Variants in TMCC1 observed in about 807,000 individuals in gnomAD.
TMCC1 encodes the protein transmembrane and coiled-coil domains protein 1.
A neutral mutation model predicts 52.4 loss-of-function variants in TMCC1; 15 were observed. The ratio of observed to expected loss-of-function variants is 0.29; its 90% confidence interval spans 0.19 to 0.44. TMCC1 has a LOEUF of 0.44. TMCC1 is among the 20% of genes least tolerant of loss of function. The pLI, the probability that TMCC1 is intolerant of heterozygous loss-of-function variation, is 1.00. For synonymous variants in TMCC1, 279 were observed against 301.9 expected, an observed-to-expected ratio of 0.92 and a Z score of 0.79; for missense variants, 503 against 806.0, an observed-to-expected ratio of 0.62 and a Z score of 4.55.
chr3:129,733,872 A>G (rs1187093756), intron 4 of TMCC1, among the ~76,000 whole-genome samples: 1 of 151,368 alleles, frequency 6.6e-6, no homozygotes, highest in Non-Finnish European at 1.5e-5. Context: ...CTGTGTAGAT[A>G]GCACCATTTC....
Position 129,671,185 on chromosome 3 carries a change from T to A in TMCC1, c.656A>T (p.Asp219Val), listed in dbSNP as rs1033013322. Residue 219 changes from aspartate (D) to valine (V), a missense_variant, in exon 5 of 7, where the codon GAC becomes GTC. This residue lies in a region of TMCC1 where 217 missense variants were observed against 297.9 expected (regional missense o/e 0.73). Transcript: ENST00000393238. ...ASSTDGSIHT[D>V]SVDGTPDPQR... ...AGGGTCTGGTGTTCCATCCACAGAGTCTGTGTGGATGCTGCCATCGGTACT... is the reference window on the plus strand; with the variant it reads ...AGGGTCTGGTGTTCCATCCACAGAGACTGTGTGGATGCTGCCATCGGTACT... The A allele has an allele frequency of 2.5e-6, 4 of 1,613,882 alleles. No homozygotes were observed. The highest frequency in any genetic ancestry group is 3.4e-6 in the Non-Finnish European group (4 of 1,180,004).
chr3:129,844,680 T>C (rs1350623908), intron 2 of TMCC1, among the ~76,000 whole-genome samples: 1 of 152,182 alleles, frequency 6.6e-6, no homozygotes, highest in African/African-American at 2.4e-5. Context: ...TCTGCATCTT[T>C]TCATCTGAAA....
chr3:129,663,576 T>TA (rs1156674445), intron 5 of TMCC1, among the ~76,000 whole-genome samples: 1 of 151,958 alleles, frequency 6.6e-6, no homozygotes, highest in Admixed American at 6.6e-5. Flanking sequence ...GAAAAGAAGC[T>TA]AAAAAACACT....
chr3:129,870,402 G>A (rs1309338502), intron 2 of TMCC1, among the ~76,000 whole-genome samples: 1 of 151,886 alleles, frequency 6.6e-6, no homozygotes, highest in Non-Finnish European at 1.5e-5. Flanking sequence ...ATTATCTTCA[G>A]TACCAAAATC....
At chr3:129,780,453 T>G (rs2055429101) in intron 4 of TMCC1, among the ~76,000 whole-genome samples, 2 of 152,028 alleles carry the variant, frequency 1.3e-5, no homozygotes, top group Admixed American at 1.3e-4. Context: ...TTCCACTATT[T>G]CCACCCATCC....
intron 4 of TMCC1, among the ~76,000 whole-genome samples, chr3:129,684,614 T>C (rs563680658): frequency 6.6e-6 from 1 of 152,356 alleles, no homozygotes; most frequent in South Asian, 2.1e-4. Flanking sequence ...GTGGATGTCC[T>C]TTCCTGCCTT....
intron 6 of TMCC1, among the ~76,000 whole-genome samples, chr3:129,654,237 A>G (rs935911034): frequency 1.3e-5 from 2 of 152,228 alleles, no homozygotes; most frequent in East Asian, 3.8e-4. Context: ...GACGCCAACT[A>G]TAGACAGACA....
chr3:129,716,057 A>G (rs945729942), intron 4 of TMCC1, among the ~76,000 whole-genome samples: 3 of 152,050 alleles, frequency 2.0e-5, no homozygotes, highest in Admixed American at 1.3e-4. Context: ...GAACTCTCCC[A>G]CCAGGAGACT....
chr3:129,742,084 C>T (rs970523093), intron 4 of TMCC1, among the ~76,000 whole-genome samples: 4 of 152,050 alleles, frequency 2.6e-5, no homozygotes, highest in South Asian at 2.1e-4. Flanking sequence ...CTAAAACTCT[C>T]GTAAGAAAAC....
At chr3:129,868,507 T>C (rs755913523) in intron 2 of TMCC1, among the ~76,000 whole-genome samples, 3 of 152,194 alleles carry the variant, frequency 2.0e-5, no homozygotes, top group African/African-American at 2.4e-5. Context: ...GGCGCAATCT[T>C]GGCTCACTGC....
intron 3 of TMCC1, 108 bp downstream of exon 3, chr3:129,832,666 T>C (rs1057117745): frequency 6.6e-6 from 1 of 152,198 alleles, no homozygotes; most frequent in Non-Finnish European, 1.5e-5. Flanking sequence ...TCCCTTAAGT[T>C]TTTCTTTCCA....
intron 4 of TMCC1, among the ~76,000 whole-genome samples, chr3:129,771,596 G>A (rs1238251934): frequency 1.3e-5 from 2 of 151,720 alleles, no homozygotes; most frequent in East Asian, 3.9e-4. Flanking sequence ...ACAACATGGT[G>A]AGACCCTGTC....
intron 4 of TMCC1, among the ~76,000 whole-genome samples, chr3:129,812,245 G>A (rs905147842): frequency 6.7e-6 from 1 of 149,124 alleles, no homozygotes; most frequent in Admixed American, 6.8e-5. Context: ...GGGAAGCTGA[G>A]GCAGAAGAAT....
intron 4 of TMCC1, among the ~76,000 whole-genome samples, chr3:129,672,903 T>C (rs959211594): frequency 6.6e-5 from 10 of 152,188 alleles, no homozygotes; most frequent in African/African-American, 2.4e-4. Context: ...TTACCTCAGT[T>C]TGCCATCTGA....
At chr3:129,813,987 T>A (rs2057972094) in intron 4 of TMCC1, among the ~76,000 whole-genome samples, 2 of 147,562 alleles carry the variant, frequency 1.4e-5, no homozygotes, top group Non-Finnish European at 3.0e-5. Flanking sequence ...TTTTCCTTAT[T>A]TTTTTTTTTT....
At chr3:129,890,119 T>C (rs563843313) in intron 1 of TMCC1, among the ~76,000 whole-genome samples, 216 of 152,230 alleles carry the variant, frequency 1.4e-3, no homozygotes, top group African/African-American at 4.4e-3. Flanking sequence ...TCTCTCTCCA[T>C]AATATCTTTA....
At chr3:129,826,708 C>G (rs2058676344) in intron 4 of TMCC1, among the ~76,000 whole-genome samples, 1 of 149,320 alleles carries the variant, frequency 6.7e-6, no homozygotes, top group African/African-American at 2.5e-5. Flanking sequence ...ACTTAATATC[C>G]AATAAAAAAA....
At chr3:129,710,941 T>C (rs747410092) in intron 4 of TMCC1, among the ~76,000 whole-genome samples, 1 of 152,220 alleles carries the variant, frequency 6.6e-6, no homozygotes, top group Non-Finnish European at 1.5e-5. Context: ...CTCAGCTCAC[T>C]GCAACCTCCG....
chr3:129,855,726 T>C (rs958504859), intron 2 of TMCC1, among the ~76,000 whole-genome samples: 3 of 152,178 alleles, frequency 2.0e-5, no homozygotes, highest in Non-Finnish European at 4.4e-5. Context: ...AGTATGGATA[T>C]GGTTGCCTAG....
Sources: allele counts gnomAD v4.1 joint callset (sites outside exome capture counted in the v4.1 genomes callset), GRCh38; gene constraint gnomAD v4.1.1; regional missense constraint gnomAD v4.1.1; transcripts MANE v1.5; gene names NCBI Gene and HGNC (gene_info 2026-07-23, HGNC 2026-07-21).